Variants in STK31 observed in about 807,000 individuals in gnomAD.
STK31 encodes serine/threonine-protein kinase 31.
A neutral mutation model predicts 129.7 loss-of-function variants in STK31; 89 were observed. That is an observed-to-expected ratio of 0.69 (90% CI 0.58 to 0.82). The LOEUF is 0.82. Among genes scored for constraint, STK31 ranks in the 40% least tolerant of loss-of-function variants. The pLI is 0.00. For synonymous variants in STK31, 448 were observed against 395.3 expected, an observed-to-expected ratio of 1.13 and a Z score of -1.58; for missense variants, 1,187 against 1,176.4, an observed-to-expected ratio of 1.01 and a Z score of -0.13.
At chr7:23,822,579 G>A (rs1793847761) in intron 23 of STK31, among the ~76,000 whole-genome samples, 2 of 151,974 alleles carry the variant, frequency 1.3e-5, no homozygotes, top group Non-Finnish European at 2.9e-5. Flanking sequence ...CTGCAAAGAG[G>A]GACAGTTTGA....
chr7:23,809,826 G>A (rs183444643), intron 22 of STK31, among the ~76,000 whole-genome samples: 34 of 62,830 alleles, frequency 5.4e-4, no homozygotes, highest in African/African-American at 3.7e-3. Flanking sequence ...TAACCTTGGA[G>A]CGGTAGGCTA....
At chr7:23,823,489 G>A (rs1358863248) in intron 23 of STK31, among the ~76,000 whole-genome samples, 1 of 152,072 alleles carries the variant, frequency 6.6e-6, no homozygotes, top group East Asian at 1.9e-4. Context: ...TGTAGATTCT[G>A]GATATTAGCC....
chr7:23,811,075 G>T (rs1010783163), intron 22 of STK31: 5 of 163,210 alleles, frequency 3.1e-5, no homozygotes, highest in Non-Finnish European at 6.6e-5. Flanking sequence ...GCCGGGTGTT[G>T]TGTAGATGAT....
At chr7:23,722,457 C>G (rs998666868) in intron 4 of STK31, 1 of 152,954 alleles carries the variant, frequency 6.5e-6, no homozygotes, top group African/African-American at 2.4e-5. Context: ...AGCTTCGTCT[C>G]AGAGGGGCAC....
rs199828862 is a variant in STK31, at chr7:23,750,070, C to CCCCA, written c.1018-2644_1018-2643insACCC. Among the ~76,000 whole-genome samples, 631 of 116,804 alleles carry CCCCA rather than the reference C, an allele frequency of 5.4e-3. 84 individuals are homozygous for CCCCA. The highest frequency in any genetic ancestry group is 8.5e-3 in the Non-Finnish European group (444 of 52,166). 76.6% of individuals were successfully genotyped at this position (116,804 alleles called of 152,430 possible). The stretch of plus-strand genomic sequence containing the variant: ...GGATATTTCAGAATGGTTTGTTTCC[C>CCCCA]CCCCCGCCACTGCTGGAAACATGAG... On this transcript the variant is annotated intron_variant, in intron 8 of 23. Coordinates refer to ENST00000355870, the MANE Select transcript of STK31 (RefSeq NM_031414.5).
intron 22 of STK31, among the ~76,000 whole-genome samples, chr7:23,793,540 C>T (rs544394511): frequency 6.6e-4 from 101 of 152,248 alleles, no homozygotes; most frequent in African/African-American, 2.3e-3. Context: ...ACAATCAATA[C>T]TAAGAAGACT....
At chr7:23,770,666 G>T (rs1440201200) in intron 13 of STK31, among the ~76,000 whole-genome samples, 2 of 152,050 alleles carry the variant, frequency 1.3e-5, no homozygotes, top group Admixed American at 6.6e-5. Context: ...CCAGGCTGGA[G>T]TGCATTGATG....
At chr7:23,754,522 A>G (rs778485912) in intron 10 of STK31, 48 bp downstream of exon 10, 51 of 1,333,664 alleles carry the variant, frequency 3.8e-5, no homozygotes, top group Admixed American at 1.6e-4. Flanking sequence ...GTTGAACATA[A>G]GGAAGTGTTT....
intron 22 of STK31, among the ~76,000 whole-genome samples, chr7:23,804,343 C>G (rs543680023): frequency 6.6e-6 from 1 of 152,100 alleles, no homozygotes; most frequent in South Asian, 2.1e-4. Flanking sequence ...TTCTACCACT[C>G]GAGTGGAAGC....
intron 11 of STK31, among the ~76,000 whole-genome samples, chr7:23,765,843 G>A (rs1342392697): frequency 4.6e-5 from 7 of 152,024 alleles, no homozygotes; most frequent in African/African-American, 9.7e-5. Context: ...CACTGTGCCC[G>A]GCCACTCTTC....
At chr7:23,719,136 A>C (rs1786528221) in intron 4 of STK31, among the ~76,000 whole-genome samples, 1 of 151,844 alleles carries the variant, frequency 6.6e-6, no homozygotes, top group East Asian at 1.9e-4. Context: ...ATTTGTAGGC[A>C]TTCTGTATGT....
intron 4 of STK31, among the ~76,000 whole-genome samples, chr7:23,723,882 ACT>A (rs1283938346): frequency 6.6e-6 from 1 of 152,182 alleles, no homozygotes; most frequent in African/African-American, 2.4e-5. Flanking sequence ...GAAACGCCAC[ACT>A]CTGAGACGAA....
At position 23,735,905 on chromosome 7, in the gene STK31, T is replaced by G. The variant is rs777628181; in HGVS notation, c.842+9T>G. 1.9e-6 allele frequency: 3 copies of G among 1,552,288 alleles called. No individual in the cohort carries two copies. Among genetic ancestry groups the G allele is most frequent in the Non-Finnish European group, 2.6e-6 (3 of 1,149,468 alleles). On this transcript the variant is annotated intron_variant, in intron 7 of 23. Coordinates refer to ENST00000355870, the MANE Select transcript of STK31 (RefSeq NM_031414.5). ...CTTATAACATTTCCAAAGTAAGAAT[T>G]TAGTCTTCACTAATTTCTAATTGAT...
At chr7:23,786,268 ATAAT>A (rs1791278235) in intron 18 of STK31, among the ~76,000 whole-genome samples, 1 of 152,132 alleles carries the variant, frequency 6.6e-6, no homozygotes, top group African/African-American at 2.4e-5. Flanking sequence ...TGATAATAAG[ATAAT>A]TAATTTGGCC....
chr7:23,745,166 G>A (rs958067324), intron 8 of STK31, among the ~76,000 whole-genome samples: 2 of 152,184 alleles, frequency 1.3e-5, no homozygotes, highest in Non-Finnish European at 2.9e-5. Flanking sequence ...GGTTGGGTAG[G>A]CCTGACCTTG....
intron 4 of STK31, among the ~76,000 whole-genome samples, chr7:23,718,550 A>G (rs1786494685): frequency 6.6e-6 from 1 of 152,142 alleles, no homozygotes; most frequent in Non-Finnish European, 1.5e-5. Flanking sequence ...TTTTGATACT[A>G]TCACCATAGA....
intron 23 of STK31, among the ~76,000 whole-genome samples, chr7:23,815,517 G>GT (rs1216112793): frequency 6.6e-6 from 1 of 151,976 alleles, no homozygotes; most frequent in Non-Finnish European, 1.5e-5. Context: ...TTAGTTTTTT[G>GT]TAAGTACCTA....
rs1025826560 is a variant in STK31, at chr7:23,771,065, A to T, written c.1774A>T (p.Ile592Phe). 2.5e-6 allele frequency: 4 copies of T among 1,612,972 alleles called. No homozygotes were observed. The highest frequency in any genetic ancestry group is 3.4e-6 in the Non-Finnish European group (4 of 1,179,446). Reference protein sequence around the residue: ...SNTYSQVLQKIHSEERLIATV... With the variant: ...SNTYSQVLQKFHSEERLIATV... ...TACATATAGTCAAGTACTGCAAAAGATTCATTCAGAGGAAAGGCTCATTGC... is the reference window on the plus strand; with the variant it reads ...TACATATAGTCAAGTACTGCAAAAGTTTCATTCAGAGGAAAGGCTCATTGC... Residue 592 changes from isoleucine to phenylalanine, a missense_variant, in exon 14 of 24, where the codon ATT becomes TTT. Ile to Phe is a conservative substitution (Grantham distance 21). This residue lies in a region of STK31 where 975 missense variants were observed against 934.9 expected (regional missense o/e 1.04). Coordinates refer to ENST00000355870, the MANE Select transcript of STK31 (RefSeq NM_031414.5).
chr7:23,717,812 G>A (rs1786442737), intron 4 of STK31, among the ~76,000 whole-genome samples: 1 of 152,184 alleles, frequency 6.6e-6, no homozygotes, highest in Admixed American at 6.5e-5. Flanking sequence ...CAGGACATTA[G>A]CTAAATAAGC....
Sources: allele counts gnomAD v4.1 joint callset (sites outside exome capture counted in the v4.1 genomes callset), GRCh38; gene constraint gnomAD v4.1.1; regional missense constraint gnomAD v4.1.1; transcripts MANE v1.5; gene names NCBI Gene and HGNC (gene_info 2026-07-23, HGNC 2026-07-21).